IQSEC1: variants seen among roughly 807,000 people sequenced by gnomAD.
The protein encoded by IQSEC1 is IQ motif and SEC7 domain-containing protein 1.
In IQSEC1, 31 loss-of-function variants were observed where a neutral mutation model predicts 91.0. That is an observed-to-expected ratio of 0.34 (90% confidence interval 0.26 to 0.46). The LOEUF (loss-of-function observed/expected upper bound fraction) is 0.46. Among genes scored for constraint, IQSEC1 ranks in the 20% least tolerant of loss-of-function variants. The pLI is 1.00. For missense variants in IQSEC1, 1,388 were observed against 1,575.6 expected, an observed-to-expected ratio of 0.88 and a Z score of 2.02; for synonymous variants, 699 against 662.6, an observed-to-expected ratio of 1.05 and a Z score of -0.84.
chr3:12,920,662 G>T, intron 5 of IQSEC1, 66 bp from the exon 6 acceptor site: 2 of 1,519,584 alleles, frequency 1.3e-6, no homozygotes, highest in South Asian at 1.1e-5. Flanking sequence ...TCTCTCACCC[G>T]CTGAGGCTGT....
At chr3:12,986,070 T>C (rs917409446) in intron 1 of IQSEC1, among the ~76,000 whole-genome samples, 8 of 152,168 alleles carry the variant, frequency 5.3e-5, no homozygotes, top group Non-Finnish European at 1.2e-4. Flanking sequence ...CTGAGCGACC[T>C]GAGGAGGGAG....
At chr3:12,902,077 C>T (rs1226985301) in intron 13 of IQSEC1, among the ~76,000 whole-genome samples, 1 of 152,114 alleles carries the variant, frequency 6.6e-6, no homozygotes, top group African/African-American at 2.4e-5. Context: ...GGAGAATGGG[C>T]TGCCTAGGCA....
chr3:13,114,579 G>A (rs1031080072), intron 2 of IQSEC1, among the ~76,000 whole-genome samples: 1 of 152,230 alleles, frequency 6.6e-6, no homozygotes, highest in East Asian at 1.9e-4. Flanking sequence ...ATCACCTGAG[G>A]CCAGGAGTTC....
chr3:12,998,549 G>A (rs894459212), intron 1 of IQSEC1, among the ~76,000 whole-genome samples: 4 of 152,122 alleles, frequency 2.6e-5, no homozygotes. Context: ...TGCTCAGGAC[G>A]ATGAAGTGGG....
intron 1 of IQSEC1, among the ~76,000 whole-genome samples, chr3:13,027,313 C>A (rs892273): frequency 0.021 from 3,128 of 152,320 alleles, 38 homozygotes; most frequent in Non-Finnish European, 0.028. Context: ...AGTGCGCAGG[C>A]AGGGGCTGGG....
chr3:13,121,174 T>C (rs535489625), intron 2 of IQSEC1, among the ~76,000 whole-genome samples: 1 of 152,350 alleles, frequency 6.6e-6, no homozygotes, highest in African/African-American at 2.4e-5. Context: ...AGCAGGACTT[T>C]GCAGCCATGC....
intron 1 of IQSEC1, among the ~76,000 whole-genome samples, chr3:13,204,518 C>A (rs753714309): frequency 6.6e-6 from 1 of 152,266 alleles, no homozygotes; most frequent in Non-Finnish European, 1.5e-5. Flanking sequence ...GGGCCGCCCA[C>A]CGCTAGCGAG....
chr3:13,237,496 C>T (rs977496492), intron 1 of IQSEC1, among the ~76,000 whole-genome samples: 4 of 152,190 alleles, frequency 2.6e-5, no homozygotes, highest in Non-Finnish European at 5.9e-5. Flanking sequence ...AGCTATCGCA[C>T]GAGGGAAGTG....
intron 2 of IQSEC1, among the ~76,000 whole-genome samples, chr3:13,157,048 G>T (rs544008263): frequency 6.6e-6 from 1 of 152,222 alleles, no homozygotes; most frequent in Non-Finnish European, 1.5e-5. Context: ...TTTGACCAAG[G>T]TCATTCAGCT....
At chr3:13,206,627 T>A (rs1694349920) in intron 1 of IQSEC1, among the ~76,000 whole-genome samples, 2 of 152,126 alleles carry the variant, frequency 1.3e-5, no homozygotes, top group African/African-American at 2.4e-5. Flanking sequence ...CAAAACTTTT[T>A]AAAAATCGTA....
At chr3:12,937,938 A>G (rs560125161) in intron 2 of IQSEC1, among the ~76,000 whole-genome samples, 15 of 152,250 alleles carry the variant, frequency 9.9e-5, no homozygotes, top group Non-Finnish European at 2.2e-4. Flanking sequence ...GGGGTGAGCT[A>G]CATGCAGGGA....
intron 2 of IQSEC1, among the ~76,000 whole-genome samples, chr3:13,090,393 T>C (rs940054641): frequency 2.0e-5 from 3 of 152,202 alleles, no homozygotes; most frequent in African/African-American, 7.2e-5. Context: ...AAATGTGAAA[T>C]GAGTGACTGA....
chr3:12,967,744 C>G lies in IQSEC1; in HGVS notation c.24-25879G>C, dbSNP rs376879392. ...TGGCCCTGAAGTGGGCGGGGCAGGG[C>G]GGGGGCGGGGCCGGAGGGCGAGCTG... is the stretch of plus-strand genomic sequence containing the variant. On this transcript the variant is annotated intron_variant, in intron 1 of 13. Transcript: ENST00000613206. The surrounding 1 kb of genome is among the most constrained non-coding windows in gnomAD (Gnocchi z 5.9). The G allele has an allele frequency of 9.8e-7, 1 of 1,025,488 alleles. No individual in the cohort carries two copies. 63.5% of individuals were successfully genotyped at this position (1,025,488 alleles called of 1,614,324 possible).
chr3:12,998,350 CA>C (rs986508719), intron 1 of IQSEC1, among the ~76,000 whole-genome samples: 1 of 150,870 alleles, frequency 6.6e-6, no homozygotes, highest in Non-Finnish European at 1.5e-5. Flanking sequence ...GACCCTGTCT[CA>C]AAAAAAACAA....
intron 9 of IQSEC1, among the ~76,000 whole-genome samples, chr3:12,912,419 G>C (rs1695647464): frequency 6.6e-6 from 1 of 152,228 alleles, no homozygotes; most frequent in Non-Finnish European, 1.5e-5. Context: ...GCTCAGAGAT[G>C]TGAAGGGATT....
intron 1 of IQSEC1, among the ~76,000 whole-genome samples, chr3:13,276,163 A>G (rs374654819): frequency 7.9e-6 from 1 of 126,996 alleles, no homozygotes; most frequent in Non-Finnish European, 1.5e-5. Context: ...ATCTCGGCTC[A>G]CTGCAAGCTC....
At chr3:13,119,164 G>A (rs1057321236) in intron 2 of IQSEC1, among the ~76,000 whole-genome samples, 3 of 152,020 alleles carry the variant, frequency 2.0e-5, no homozygotes, top group African/African-American at 4.8e-5. Context: ...TAAGGAGGCC[G>A]CCTTGGTCTC....
chr3:13,015,627 C>T, intron 1 of IQSEC1: 1 of 985,330 alleles, frequency 1.0e-6, no homozygotes, highest in Non-Finnish European at 1.2e-6. Flanking sequence ...CAGTGCCTGG[C>T]CTGCCTCTGC....
chr3:13,121,602 T>C (rs778826273), intron 2 of IQSEC1, among the ~76,000 whole-genome samples: 12 of 152,198 alleles, frequency 7.9e-5, no homozygotes, highest in Admixed American at 2.0e-4. Flanking sequence ...GCACCCGTAA[T>C]TGATGTGTTC....
Sources: gnomAD v4.1 joint callset for allele counts (sites outside exome capture counted in the v4.1 genomes callset) on GRCh38, gnomAD v4.1.1 for gene constraint, Gnocchi (gnomAD v3.1) non-coding constraint, MANE v1.5 for transcripts, NCBI Gene and HGNC (gene_info 2026-07-23, HGNC 2026-07-21) for gene names.